ARHGEF4: variants seen among roughly 807,000 people sequenced by gnomAD.
ARHGEF4 encodes APC-stimulated guanine nucleotide exchange factor 1.
In ARHGEF4, 119 loss-of-function variants were observed where a neutral mutation model predicts 162.0. That is an observed-to-expected ratio of 0.73 (90% CI 0.63 to 0.86). ARHGEF4 has a LOEUF of 0.86. Among genes scored for constraint, ARHGEF4 ranks in the 40% least tolerant of loss-of-function variants. ARHGEF4 has a pLI of 0.00. For synonymous variants in ARHGEF4, 1,014 were observed against 979.9 expected (o/e 1.03, Z -0.65); for missense variants, 2,488 against 2,456.0 (o/e 1.01, Z -0.28).
chr2:130,998,681 T>C (rs968724260), intron 4 of ARHGEF4, among the ~76,000 whole-genome samples: 3 of 152,242 alleles, frequency 2.0e-5, no homozygotes, highest in African/African-American at 7.2e-5. Context: ...AATTTGTCGT[T>C]GTGTATATGT....
chr2:130,988,881 TATATATATATATATATATATAGAGAG>T (rs1205469850), intron 4 of ARHGEF4, among the ~76,000 whole-genome samples: 296 of 27,004 alleles, frequency 0.011, 3 homozygotes, highest in East Asian at 0.076. Context: ...TGTATATATA[TATATATATATATATATATATAGAGAG>T]AGAGAGAGAG....
At chr2:130,988,841 C>T (rs1469226848) in intron 4 of ARHGEF4, among the ~76,000 whole-genome samples, 1 of 140,314 alleles carries the variant, frequency 7.1e-6, no homozygotes, top group Non-Finnish European at 1.5e-5. Context: ...TTCTTCTCCA[C>T]ATATATTTGT....
chr2:130,988,165 T>C (rs761412552), intron 4 of ARHGEF4, among the ~76,000 whole-genome samples: 1 of 152,238 alleles, frequency 6.6e-6, no homozygotes, highest in African/African-American at 2.4e-5. Flanking sequence ...GTGTCTGCTG[T>C]GGACAGGTGG....
intron 4 of ARHGEF4, among the ~76,000 whole-genome samples, chr2:130,956,722 A>C (rs1004448913): frequency 1.3e-5 from 2 of 151,994 alleles, no homozygotes; most frequent in East Asian, 3.9e-4. Flanking sequence ...TCACAAGGAC[A>C]AAAAACCAAA....
intron 1 of ARHGEF4, among the ~76,000 whole-genome samples, chr2:130,902,754 C>T (rs1290068469): frequency 1.3e-5 from 2 of 152,296 alleles, no homozygotes; most frequent in African/African-American, 4.8e-5. Flanking sequence ...CAGAGGCCTC[C>T]GTCCTGTCGG....
chr2:130,902,485 T>C (rs867664941), intron 1 of ARHGEF4, among the ~76,000 whole-genome samples: 1 of 150,118 alleles, frequency 6.7e-6, no homozygotes, highest in South Asian at 2.1e-4. Flanking sequence ...TCCCAGCTAC[T>C]CGGGAGGCTG....
chr2:131,035,419 G>C (rs1197661210), intron 5 of ARHGEF4: 1 of 665,688 alleles, frequency 1.5e-6, no homozygotes, highest in African/African-American at 1.9e-5. Context: ...CCGAGCGGGT[G>C]CCTGAGGGGC....
At chr2:130,849,142 C>T (rs752148606) in intron 1 of ARHGEF4, among the ~76,000 whole-genome samples, 3 of 152,178 alleles carry the variant, frequency 2.0e-5, no homozygotes, top group Non-Finnish European at 4.4e-5. Context: ...GTTCTGGCTC[C>T]GTGACCCCTC....
chr2:131,034,555 A>G (rs1287093337), intron 5 of ARHGEF4, among the ~76,000 whole-genome samples: 1 of 152,102 alleles, frequency 6.6e-6, no homozygotes, highest in Non-Finnish European at 1.5e-5. Context: ...CGATTTTATG[A>G]CTGAGCAGAA....
chr2:130,985,562 A>T (rs1686425494), intron 4 of ARHGEF4, among the ~76,000 whole-genome samples: 1 of 151,958 alleles, frequency 6.6e-6, no homozygotes. Context: ...GCAAGGAGGC[A>T]TCTGGGGGGG....
intron 1 of ARHGEF4, among the ~76,000 whole-genome samples, chr2:130,887,578 C>G (rs4850264): frequency 2.6e-5 from 4 of 151,804 alleles, no homozygotes; most frequent in Admixed American, 1.3e-4. Context: ...CTACTAGTTA[C>G]GTATGTGTTT....
At chr2:131,038,660 A>T (rs1690499638) in intron 5 of ARHGEF4, among the ~76,000 whole-genome samples, 193 bp from the exon 6 acceptor site, 2 of 152,234 alleles carry the variant, frequency 1.3e-5, no homozygotes, top group Admixed American at 1.3e-4. Flanking sequence ...CTGAGCCTTG[A>T]TAATCTAGAC....
intron 1 of ARHGEF4, among the ~76,000 whole-genome samples, chr2:130,883,068 C>G (rs932189499): frequency 6.6e-6 from 1 of 152,082 alleles, no homozygotes; most frequent in Non-Finnish European, 1.5e-5. Context: ...ACCTCTAACC[C>G]CTATGAGTTA....
chr2:130,896,833 G>A (rs191614399), intron 1 of ARHGEF4, among the ~76,000 whole-genome samples: 2 of 152,208 alleles, frequency 1.3e-5, no homozygotes, highest in Admixed American at 1.3e-4. Context: ...CAGAGCAGCA[G>A]GGCCACACTG....
intron 5 of ARHGEF4, among the ~76,000 whole-genome samples, chr2:131,033,995 G>GCA (rs1690047049): frequency 6.6e-6 from 1 of 152,144 alleles, no homozygotes; most frequent in African/African-American, 2.4e-5. Context: ...GTACACACAT[G>GCA]CACACACATG....
chr2:130,869,995 G>A (rs1559010203), intron 1 of ARHGEF4, among the ~76,000 whole-genome samples: 1 of 152,210 alleles, frequency 6.6e-6, no homozygotes, highest in Non-Finnish European at 1.5e-5. Flanking sequence ...TCTGGCAACA[G>A]CTGAAAAGCT....
chr2:130,898,859 C>T (rs1680317729), intron 1 of ARHGEF4, among the ~76,000 whole-genome samples: 1 of 152,106 alleles, frequency 6.6e-6, no homozygotes, highest in Non-Finnish European at 1.5e-5. Context: ...TCTCTGTGGG[C>T]AGCATTTGAC....
At chr2:131,015,429 C>A (rs1688711654) in intron 4 of ARHGEF4, among the ~76,000 whole-genome samples, 2 of 152,332 alleles carry the variant, frequency 1.3e-5, no homozygotes, top group Admixed American at 6.5e-5. Context: ...CAGTGACTAT[C>A]AGAGTCAGTG....
At chr2:131,041,123 C>T in intron 8 of ARHGEF4, 107 bp from the exon 9 acceptor site, 2 of 1,089,460 alleles carry the variant, frequency 1.8e-6, no homozygotes, top group Non-Finnish European at 2.7e-6. Context: ...TAGCCCCCAG[C>T]CCAGCTCCTG....
Sources: gnomAD v4.1 joint callset for allele counts (sites outside exome capture counted in the v4.1 genomes callset) on GRCh38, gnomAD v4.1.1 for gene constraint, MANE v1.5 for transcripts, NCBI Gene and HGNC (gene_info 2026-07-23, HGNC 2026-07-21) for gene names.